Variants in PCDHGA12 observed in about 807,000 individuals in gnomAD.
PCDHGA12 encodes protocadherin gamma-A12.
Under a neutral mutation model 61.1 loss-of-function variants are expected in PCDHGA12, and 43 were observed. The observed-to-expected ratio is 0.70, with a 90% CI of 0.55 to 0.91. The LOEUF (loss-of-function observed/expected upper bound fraction) is 0.91, where lower values mean the gene tolerates loss of function less well. PCDHGA12 is among the 40% of genes least tolerant of loss of function. The pLI is 0.00. For synonymous variants in PCDHGA12, 520 were observed against 542.9 expected, an observed-to-expected ratio of 0.96 and a Z score of 0.59; for missense variants, 1,236 against 1,227.7, an observed-to-expected ratio of 1.01 and a Z score of -0.10.
At chr5:141,433,205 TTTC>T in intron 1 of PCDHGA12, 22 bp downstream of exon 1, 1 of 1,573,264 alleles carries the variant, frequency 6.4e-7, no homozygotes, top group Non-Finnish European at 8.6e-7. Context: ...TCAAATCTTC[TTTC>T]TTTTTTTTTT....
Position 141,477,649 on chromosome 5 carries a change from A to G in PCDHGA12, c.2425-17158A>G, listed in dbSNP as rs2099415032. 3.7e-6 allele frequency: 6 copies of G among 1,614,076 alleles called. No individual in the cohort carries two copies. Among genetic ancestry groups the G allele is most frequent in the Non-Finnish European group, 5.1e-6 (6 of 1,180,048 alleles). ...CCGGGCTAGTGGGTCGCTATTTCAC[A>G]ATAAATCGTGACAATGGCATAGTGT... On this transcript the variant is annotated intron_variant, in intron 1 of 3. Transcript: ENST00000252085. The surrounding 1 kb of genome is among the most constrained non-coding windows in gnomAD (Gnocchi z 4.9).
At chr5:141,465,856 C>T (rs1442431032) in intron 1 of PCDHGA12, among the ~76,000 whole-genome samples, 1 of 152,184 alleles carries the variant, frequency 6.6e-6, no homozygotes, top group East Asian at 1.9e-4. Context: ...GGCCCAGTGG[C>T]TCATGCCTGT....
At chr5:141,469,425 C>T (rs1035406646) in intron 1 of PCDHGA12, among the ~76,000 whole-genome samples, 1 of 151,622 alleles carries the variant, frequency 6.6e-6, no homozygotes, top group East Asian at 1.9e-4. Context: ...AAATATAAAA[C>T]TTAGCTGGGC....
intron 1 of PCDHGA12, among the ~76,000 whole-genome samples, chr5:141,443,577 G>A (rs567410923): frequency 1.3e-5 from 2 of 152,284 alleles, no homozygotes; most frequent in South Asian, 4.1e-4. Context: ...ATGGACTTGA[G>A]CTAAAACAGA....
intron 1 of PCDHGA12, among the ~76,000 whole-genome samples, chr5:141,452,068 A>G (rs554365813): frequency 1.1e-3 from 160 of 152,308 alleles, no homozygotes; most frequent in Middle Eastern, 6.8e-3. Flanking sequence ...TTCTACTTTT[A>G]TTAGTTGGCA....
At chr5:141,435,575 C>T (rs1054936213) in intron 1 of PCDHGA12, among the ~76,000 whole-genome samples, 2 of 152,088 alleles carry the variant, frequency 1.3e-5, no homozygotes, top group South Asian at 2.1e-4. Context: ...AGTACTGGGG[C>T]AAATTTGCAG....
chr5:141,433,359 C>CTATCTATCTATA, intron 1 of PCDHGA12, 176 bp downstream of exon 1: 1 of 228,708 alleles, frequency 4.4e-6, no homozygotes, highest in South Asian at 4.1e-5. Context: ...TACTGTCTGC[C>CTATCTATCTATA]TATCTATCTA....
chr5:141,433,097 G>C lies in PCDHGA12; in HGVS notation c.2338G>C (p.Val780Leu). Residue 780 changes from valine to leucine, a missense_variant, in exon 1 of 4, where the codon GTC becomes CTC. Val to Leu is a conservative substitution (Grantham distance 32, BLOSUM62 1). Transcript: ENST00000252085. The stretch of plus-strand genomic sequence containing the variant: ...CCAGCCCAACTATGCAGACATGCTC[G>C]TCAGCCAGGAGAGCTTTGAAAAAAG... ...FPQPNYADML[V>L]SQESFEKSEP... The C allele has an allele frequency of 6.2e-7, 1 of 1,614,162 alleles. No individual in the cohort carries two copies. Among genetic ancestry groups the C allele is most frequent in the Non-Finnish European group, 8.5e-7 (1 of 1,180,032 alleles).
chr5:141,430,790 A>G lies in PCDHGA12; in HGVS notation c.31A>G (p.Lys11Glu). ...TCCTGCGCGACTGCACCGGGACTAC[A>G]AAGGGCTTGTCCTGCTGGGAATCCT... MIPARLHRDY[K>E]GLVLLGILLG... Residue 11 changes from lysine (K) to glutamate (E), a missense_variant, in exon 1 of 4, where the codon AAA becomes GAA. Lys to Glu is a moderately conservative substitution (Grantham distance 56, BLOSUM62 1). Transcript: ENST00000252085. 1 of 1,516,892 alleles carries G rather than the reference A, an allele frequency of 6.6e-7. No homozygotes were observed. Among genetic ancestry groups the G allele is most frequent in the South Asian group, 1.3e-5 (1 of 74,804 alleles). 94.0% of individuals were successfully genotyped at this position (1,516,892 alleles called of 1,614,324 possible).
intron 1 of PCDHGA12, among the ~76,000 whole-genome samples, chr5:141,467,735 C>T (rs557555571): frequency 3.3e-5 from 5 of 152,182 alleles, no homozygotes; most frequent in East Asian, 3.9e-4. Flanking sequence ...AATCCCAGCT[C>T]GCTGCAACCT....
intron 1 of PCDHGA12, among the ~76,000 whole-genome samples, chr5:141,475,341 C>T (rs1306106224): frequency 6.6e-6 from 1 of 152,162 alleles, no homozygotes; most frequent in Non-Finnish European, 1.5e-5. Context: ...CAATGACATC[C>T]AGTTTTAAAA....
chr5:141,437,756 T>A (rs1208576922), intron 1 of PCDHGA12, among the ~76,000 whole-genome samples: 1 of 151,718 alleles, frequency 6.6e-6, no homozygotes, highest in Non-Finnish European at 1.5e-5. Flanking sequence ...TTTTTTTTTT[T>A]GAGACAGAGT....
In PCDHGA12 at chr5:141,485,251, C is replaced by T. The variant is rs748522322; in HGVS notation, c.2425-9556C>T. 7 of 1,614,092 alleles carry T rather than the reference C, an allele frequency of 4.3e-6. No individual in the cohort carries two copies. In the South Asian group the frequency reaches 6.6e-5, roughly 15 times the overall value. On this transcript the variant is annotated intron_variant, in intron 1 of 3. Transcript: ENST00000252085. This position sits in a 1 kb window ranked among gnomAD's most constrained non-coding sequence, Gnocchi z 5.7. The stretch of plus-strand genomic sequence containing the variant: ...TGTTCCTCTTTTACCACCTGGGTTA[C>T]GTTTGTGGGCAGATCCGCTACCCGG...
chr5:141,432,386 A>C lies in PCDHGA12; in HGVS notation c.1627A>C (p.Ser543Arg). 1 of 1,614,204 alleles carries C rather than the reference A, an allele frequency of 6.2e-7. No homozygotes were observed. Among genetic ancestry groups the C allele is most frequent in the Non-Finnish European group, 8.5e-7 (1 of 1,180,032 alleles). ...MARDNGHPPL[S>R]SNVSLSLFVL... ...GCGGGACAACGGGCACCCGCCCCTC[A>C]GCAGCAACGTGTCGTTGAGCCTGTT... Residue 543 changes from serine (S) to arginine (R), a missense_variant, in exon 1 of 4, where the codon AGC becomes CGC. Physicochemically the swap from Ser to Arg is moderately radical, Grantham distance 110. Transcript: ENST00000252085. This position sits in a 1 kb window ranked among gnomAD's most constrained non-coding sequence, Gnocchi z 6.0.
In PCDHGA12 at chr5:141,441,656, CT is replaced by C. The variant is rs200391207; in HGVS notation, c.2424+8475del. 8.0e-3 allele frequency: 1,976 copies of C among 247,682 alleles called. 54 individuals carry two copies. The highest frequency in any genetic ancestry group is 0.043 in the African/African-American group (1,846 of 42,486). The allele number at this position is 247,682 out of a possible 1,614,324, so 15.3% of individuals were successfully genotyped here. A position where few individuals can be genotyped will look rare whatever the true frequency, so the allele number is the denominator to read the frequency against. On this transcript the variant is annotated intron_variant, in intron 1 of 3. Coordinates refer to ENST00000252085, the MANE Select transcript of PCDHGA12 (RefSeq NM_003735.3). ...CACAGGCGCTGTGATTCTAGGTGTC[CT>C]TGAGCGCACAGTGCGCCTTCGACCA...
chr5:141,509,308 C>G (rs943174290), intron 3 of PCDHGA12, among the ~76,000 whole-genome samples: 6 of 152,152 alleles, frequency 3.9e-5, no homozygotes, highest in African/African-American at 1.4e-4. Flanking sequence ...CAGAGGGAGG[C>G]TGGGAGAGAA....
chr5:141,494,935 G>A, intron 2 of PCDHGA12, 70 bp downstream of exon 2: 1 of 1,612,482 alleles, frequency 6.2e-7, no homozygotes, highest in Non-Finnish European at 8.5e-7. Flanking sequence ...GGGAGGAGAT[G>A]GGGGAGGGCC....
At chr5:141,441,187 AT>A (rs1349788972) in intron 1 of PCDHGA12, 1 of 152,214 alleles carries the variant, frequency 6.6e-6, no homozygotes, top group Non-Finnish European at 1.5e-5. Context: ...TTCCACAATG[AT>A]TCCCAAAGAT....
chr5:141,499,533 G>T (rs2099792525), intron 2 of PCDHGA12, among the ~76,000 whole-genome samples: 1 of 152,086 alleles, frequency 6.6e-6, no homozygotes, highest in African/African-American at 2.4e-5. Flanking sequence ...AGAGAGAATG[G>T]TGTCATGAAC....
Sources: allele counts gnomAD v4.1 joint callset (sites outside exome capture counted in the v4.1 genomes callset), GRCh38; gene constraint gnomAD v4.1.1; non-coding constraint Gnocchi (gnomAD v3.1); transcripts MANE v1.5; gene names NCBI Gene and HGNC (gene_info 2026-07-23, HGNC 2026-07-21).